UMODL1: variants seen among roughly 807,000 people sequenced by gnomAD.
UMODL1 encodes the protein uromodulin-like 1.
Under a neutral mutation model 136.3 loss-of-function variants are expected in UMODL1, and 128 were observed. The ratio of observed to expected loss-of-function variants is 0.94; its 90% CI spans 0.81 to 1.09. The LOEUF (loss-of-function observed/expected upper bound fraction) is 1.09. Among genes scored for constraint, UMODL1 ranks in the 50% least tolerant of loss-of-function variants. The pLI is 0.00. For synonymous variants in UMODL1, 721 were observed against 720.0 expected (o/e 1.00, Z -0.02); for missense variants, 1,766 against 1,725.6 (o/e 1.02, Z -0.41).
chr21:42,135,490 G>A (rs1266161998), intron 21 of UMODL1, among the ~76,000 whole-genome samples: 1 of 152,224 alleles, frequency 6.6e-6, no homozygotes, highest in Non-Finnish European at 1.5e-5. Flanking sequence ...AGGGCTGAGA[G>A]TCCAGGGCCA....
chr21:42,121,269 C>G, intron 16 of UMODL1, 45 bp downstream of exon 16: 1 of 1,569,756 alleles, frequency 6.4e-7, no homozygotes. Context: ...GTATCATAAT[C>G]GGTTTTTTTT....
In UMODL1 at chr21:42,123,114, G is replaced by C; in HGVS notation, c.3111G>C (p.Glu1037Asp). 6.2e-7 allele frequency: 1 copy of C among 1,613,974 alleles called. No homozygotes were observed. The highest frequency in any genetic ancestry group is 8.5e-7 in the Non-Finnish European group (1 of 1,179,906). Reference protein sequence around the residue: ...SHSNGTHVLLEAGWSECGTLM... With the variant: ...SHSNGTHVLLDAGWSECGTLM... ...GCAATGGCACACACGTGCTCCTGGAGGCCGGCTGGAGCGAGTGTGGGACCC... is the reference window on the plus strand; with the variant it reads ...GCAATGGCACACACGTGCTCCTGGACGCCGGCTGGAGCGAGTGTGGGACCC... The change falls in exon 17 of 23, where the codon GAG becomes GAC. Residue 1037 changes from glutamate to aspartate, a missense_variant. Transcript: ENST00000408910. This position sits in a 1 kb window ranked among gnomAD's most constrained non-coding sequence, Gnocchi z 4.4.
In UMODL1 at chr21:42,075,995, C is replaced by T. The variant is rs1300100956; in HGVS notation, c.77-10C>T. On this transcript the variant is annotated splice_polypyrimidine_tract_variant and intron_variant, in intron 1 of 22. Transcript: ENST00000408910. Reference sequence around the variant, plus strand: ...TGTTCTCAGTCGCCTTCTTGCTTGGCCTCTTTCAGAAAAAGGCCTCTCCCT... The same window carrying T: ...TGTTCTCAGTCGCCTTCTTGCTTGGTCTCTTTCAGAAAAAGGCCTCTCCCT... 3 of 1,612,266 alleles carry T rather than the reference C, an allele frequency of 1.9e-6. No homozygotes were observed. Among genetic ancestry groups the T allele is most frequent in the South Asian group, 1.1e-5 (1 of 91,082 alleles).
In UMODL1 at chr21:42,097,832, G is replaced by C. The variant is rs1325527166; in HGVS notation, c.932-1094G>C. On this transcript the variant is annotated intron_variant, in intron 6 of 22. Transcript: ENST00000408910. ...AGCCAGAATGTTTTTAACCAAAAAA[G>C]AGCTTCGATGCTATTTGAGCACTAG... 3.3e-5 allele frequency among the ~76,000 whole-genome samples: 5 copies of C among 152,200 alleles called. No individual in the cohort carries two copies. In the East Asian group the frequency reaches 9.6e-4, roughly 29 times the overall value.
intron 14 of UMODL1, among the ~76,000 whole-genome samples, chr21:42,117,689 C>T (rs765795560): frequency 3.9e-5 from 6 of 152,188 alleles, no homozygotes; most frequent in Non-Finnish European, 7.3e-5. Flanking sequence ...TGAGAAGATT[C>T]GACAGCCTTT....
intron 6 of UMODL1, among the ~76,000 whole-genome samples, chr21:42,094,517 G>A (rs1193259554): frequency 6.6e-6 from 1 of 152,142 alleles, no homozygotes; most frequent in Non-Finnish European, 1.5e-5. Context: ...GTGGCCTTGG[G>A]TCATACAAAC....
At chr21:42,067,630 C>T (rs529803534), upstream of UMODL1, among the ~76,000 whole-genome samples, 68 of 152,340 alleles carry the variant, frequency 4.5e-4, no homozygotes, top group African/African-American at 1.5e-3. Context: ...CCGGCACGTG[C>T]GTGTCCACTG....
chr21:42,122,548 T>C lies in UMODL1; in HGVS notation c.2828-283T>C, dbSNP rs1396836075. ...AATGTGCAACATGTGCATGTGTGCG[T>C]GTGTGTGTGTCTGCACGTGTGTGCG... is the stretch of plus-strand genomic sequence containing the variant. On this transcript the variant is annotated intron_variant, in intron 16 of 22. Coordinates refer to ENST00000408910, the MANE Select transcript of UMODL1 (RefSeq NM_001004416.3). This position sits in a 1 kb window ranked among gnomAD's most constrained non-coding sequence, Gnocchi z 4.3. 2.2e-5 allele frequency among the ~76,000 whole-genome samples: 3 copies of C among 134,724 alleles called. No homozygotes were observed. The highest frequency in any genetic ancestry group is 4.5e-4 in the South Asian group (2 of 4,412). 88.4% of individuals were successfully genotyped at this position (134,724 alleles called of 152,430 possible).
intron 21 of UMODL1, among the ~76,000 whole-genome samples, chr21:42,132,305 C>G (rs1384365656): frequency 1.3e-5 from 2 of 151,220 alleles, no homozygotes; most frequent in Non-Finnish European, 2.9e-5. Context: ...CATCCATGCA[C>G]TCATCTATCA....
rs887653395 is a variant in UMODL1 at position 42,142,728 on chromosome 21, A to G, written c.*654A>G. ...CCTTTTCAATAAGCAGAAATAACGT[A>G]GGTACACATCACTCTTTACATTTTT... On this transcript the variant is annotated 3_prime_UTR_variant, in exon 23 of 23. Transcript: ENST00000408910. 6.6e-6 allele frequency: 1 copy of G among 152,364 alleles called. No homozygotes were observed. The highest frequency in any genetic ancestry group is 6.5e-5 in the Admixed American group (1 of 15,310). 9.4% of individuals were successfully genotyped at this position (152,364 alleles called of 1,614,324 possible). A position where few individuals can be genotyped will look rare whatever the true frequency, so the allele number is the denominator to read the frequency against.
At chr21:42,127,584 G>A (rs545114002) in intron 19 of UMODL1, 88 bp from the exon 20 acceptor site, 102 of 1,397,736 alleles carry the variant, frequency 7.3e-5, no homozygotes, top group Non-Finnish European at 8.5e-5. Context: ...TGCGAGTGTC[G>A]TCAGATGTAG....
chr21:42,114,332 G>A (rs1569165761), intron 13 of UMODL1, among the ~76,000 whole-genome samples: 1 of 152,258 alleles, frequency 6.6e-6, no homozygotes, highest in Non-Finnish European at 1.5e-5. Context: ...CTGCGTTCCA[G>A]CTGGACAGTG....
chr21:42,064,670 C>T (rs1444565009), intron 1 of UMODL1, among the ~76,000 whole-genome samples: 1 of 152,162 alleles, frequency 6.6e-6, no homozygotes, highest in Non-Finnish European at 1.5e-5. Flanking sequence ...ATTCCCCTGC[C>T]TAAGCCTCCT....
At chr21:42,124,602 TG>T (rs141112617) in intron 17 of UMODL1, among the ~76,000 whole-genome samples, 4 of 151,566 alleles carry the variant, frequency 2.6e-5, no homozygotes, top group African/African-American at 7.3e-5. Flanking sequence ...GGTGGGAAAG[TG>T]GGGCTGTGGA....
chr21:42,090,437 A>G lies in UMODL1; in HGVS notation c.930A>G (p.Glu310=), dbSNP rs1253772644. ...CACGGAAGCTGAACCTGGAGTGGGA[A>G]GGTAATGGCTAGGCTCTCTCAGATG... ...TSPRKLNLEW[E]DCPPVSDYVV... is the part of the protein sequence containing the mutation. The change falls in exon 6 of 23, where the codon GAA becomes GAG. Residue 310 remains glutamate (E), a splice_region_variant and synonymous_variant. Coordinates refer to ENST00000408910, the MANE Select transcript of UMODL1 (RefSeq NM_001004416.3). The G allele has an allele frequency of 1.9e-6, 3 of 1,613,728 alleles. No homozygotes were observed. The highest frequency in any genetic ancestry group is 2.5e-6 in the Non-Finnish European group (3 of 1,179,916).
intron 2 of UMODL1, among the ~76,000 whole-genome samples, chr21:42,079,804 G>T (rs1256060616): frequency 6.6e-6 from 1 of 152,332 alleles, no homozygotes; most frequent in South Asian, 2.1e-4. Context: ...GTGGACCGGG[G>T]CTCTCTGACC....
At chr21:42,088,506 TG>T in intron 5 of UMODL1, 26 bp downstream of exon 5, 1 of 1,575,272 alleles carries the variant, frequency 6.3e-7, no homozygotes, top group Admixed American at 1.7e-5. Flanking sequence ...ATCCTCCCTC[TG>T]GGGAGGCTGC....
intron 15 of UMODL1, 45 bp from the exon 16 acceptor site, chr21:42,121,042 G>A (rs922607773): frequency 2.5e-5 from 39 of 1,578,096 alleles, no homozygotes; most frequent in Non-Finnish European, 3.3e-5. Context: ...GAGACCACAA[G>A]CCCCCAGGGA....
At chr21:42,097,510 G>A (rs908388823) in intron 6 of UMODL1, among the ~76,000 whole-genome samples, 3 of 152,148 alleles carry the variant, frequency 2.0e-5, no homozygotes, top group African/African-American at 7.2e-5. Flanking sequence ...GGACAGTGTT[G>A]GGTTTTTTTT....
Sources: allele counts gnomAD v4.1 joint callset (sites outside exome capture counted in the v4.1 genomes callset), GRCh38; gene constraint gnomAD v4.1.1; non-coding constraint Gnocchi (gnomAD v3.1); transcripts MANE v1.5; gene names NCBI Gene and HGNC (gene_info 2026-07-23, HGNC 2026-07-21).